The following SGCZ variants were observed in gnomAD, a reference collection of about 807,000 sequenced individuals.
SGCZ encodes the protein zeta-sarcoglycan.
In SGCZ, 40 loss-of-function variants were observed where a neutral mutation model predicts 41.3. The ratio of observed to expected loss-of-function variants is 0.97; its 90% CI spans 0.75 to 1.26. The LOEUF (loss-of-function observed/expected upper bound fraction) is 1.26. SGCZ is among the 50% of genes most tolerant of loss of function. SGCZ has a pLI of 0.00. For missense variants in SGCZ, 552 were observed against 369.8 expected, an observed-to-expected ratio of 1.49 and a Z score of -4.04; for synonymous variants, 206 against 137.5, an observed-to-expected ratio of 1.50 and a Z score of -3.49.
chr8:14,541,364 T>A (rs1803461725), intron 2 of SGCZ, among the ~76,000 whole-genome samples: 1 of 151,994 alleles, frequency 6.6e-6, no homozygotes. Flanking sequence ...TGTGTTCTCA[T>A]TGTTCAGCTC....
intron 4 of SGCZ, among the ~76,000 whole-genome samples, chr8:14,219,412 T>C (rs4831556): frequency 1.3e-5 from 2 of 152,050 alleles, no homozygotes; most frequent in African/African-American, 4.8e-5. Flanking sequence ...CAAATTCTAA[T>C]CCAGACAATG....
At chr8:14,522,828 G>T (rs1395720323) in intron 2 of SGCZ, among the ~76,000 whole-genome samples, 1 of 151,036 alleles carries the variant, frequency 6.6e-6, no homozygotes, top group Non-Finnish European at 1.5e-5. Flanking sequence ...TATTCATATG[G>T]GATCTTTTTT....
At chr8:14,129,914 G>C (rs76780308) in intron 5 of SGCZ, among the ~76,000 whole-genome samples, 1 of 152,076 alleles carries the variant, frequency 6.6e-6, no homozygotes, top group Non-Finnish European at 1.5e-5. Context: ...CAGTGTTATC[G>C]CAAGTATTCT....
Position 14,572,712 on chromosome 8 carries a change from C to T in SGCZ, c.40-17786G>A, listed in dbSNP as rs1301694133. 3.3e-5 allele frequency among the ~76,000 whole-genome samples: 5 copies of T among 152,076 alleles called. No individual in the cohort carries two copies. The East Asian group carries it at 9.7e-4, about 29-fold the overall frequency. ...AGATCATTTCCTTCATACATCTGTA[C>T]CACTCAATTAAAGTATCACCAACTC... is the stretch of plus-strand genomic sequence containing the variant. On this transcript the variant is annotated intron_variant, in intron 1 of 7. Coordinates refer to ENST00000382080, the MANE Select transcript of SGCZ (RefSeq NM_139167.4).
At chr8:14,281,699 A>C (rs1350412435) in intron 3 of SGCZ, among the ~76,000 whole-genome samples, 1 of 152,100 alleles carries the variant, frequency 6.6e-6, no homozygotes, top group Non-Finnish European at 1.5e-5. Context: ...AATTTAAAAC[A>C]TTTAATCTGA....
chr8:14,264,727 C>T (rs982047207), intron 3 of SGCZ, among the ~76,000 whole-genome samples: 1 of 152,088 alleles, frequency 6.6e-6, no homozygotes, highest in Non-Finnish European at 1.5e-5. Context: ...TTTGGGAGTC[C>T]GAGGCGGGCG....
intron 1 of SGCZ, chr8:14,879,317 G>A (rs940181821): frequency 1.6e-4 from 25 of 151,962 alleles, no homozygotes; most frequent in Admixed American, 6.6e-5. Context: ...GACAGAGTGA[G>A]ACTCTATGTT....
intron 1 of SGCZ, among the ~76,000 whole-genome samples, chr8:14,820,448 T>C (rs1457450142): frequency 6.6e-6 from 1 of 151,964 alleles, no homozygotes; most frequent in Non-Finnish European, 1.5e-5. Flanking sequence ...AGGAAAAAAG[T>C]CTACAAAGAA....
chr8:14,669,695 C>T (rs28526701), intron 1 of SGCZ, among the ~76,000 whole-genome samples: 120 of 784 alleles, frequency 0.15, no homozygotes, highest in African/African-American at 0.24. Flanking sequence ...TTTGTGTATA[C>T]ACACACACAC....
chr8:14,429,731 G>C (rs1184884320), intron 2 of SGCZ, among the ~76,000 whole-genome samples: 1 of 152,034 alleles, frequency 6.6e-6, no homozygotes, highest in African/African-American at 2.4e-5. Context: ...TCTACCATTT[G>C]ATAGCTGTGT....
At position 14,676,748 on chromosome 8, in the gene SGCZ, C is replaced by G. The variant is rs534777916; in HGVS notation, c.40-121822G>C. On this transcript the variant is annotated intron_variant, in intron 1 of 7. Coordinates refer to ENST00000382080, the MANE Select transcript of SGCZ (RefSeq NM_139167.4). ...CATATCAACAGATGCAGAAAAGAAT[C>G]TGATAAAATCCAACACCTGTTAGTG... 1.4e-4 allele frequency among the ~76,000 whole-genome samples: 22 copies of G among 152,238 alleles called. No individual in the cohort carries two copies. In the South Asian group the frequency reaches 3.1e-3, roughly 21 times the overall value.
At chr8:14,660,156 A>C (rs889800383) in intron 1 of SGCZ, among the ~76,000 whole-genome samples, 1 of 152,158 alleles carries the variant, frequency 6.6e-6, no homozygotes, top group Non-Finnish European at 1.5e-5. Flanking sequence ...GTATTGCCAG[A>C]ATACAATATT....
chr8:14,397,638 G>C (rs11984827), intron 2 of SGCZ, among the ~76,000 whole-genome samples: 1 of 151,846 alleles, frequency 6.6e-6, no homozygotes, highest in Non-Finnish European at 1.5e-5. Flanking sequence ...GTCAGGCAGC[G>C]ATGAGCCTAA....
intron 1 of SGCZ, among the ~76,000 whole-genome samples, chr8:14,843,163 G>C (rs1802984463): frequency 6.6e-6 from 1 of 152,150 alleles, no homozygotes. Context: ...AGTGAGCTGA[G>C]ATTGCACCAC....
chr8:14,332,293 T>A (rs894156294), intron 2 of SGCZ, among the ~76,000 whole-genome samples: 16 of 151,670 alleles, frequency 1.1e-4, no homozygotes, highest in African/African-American at 3.9e-4. Flanking sequence ...ACAAAAAAAT[T>A]AGTCGGGCGT....
chr8:14,915,330 G>A (rs998506174), intron 1 of SGCZ, among the ~76,000 whole-genome samples: 1 of 152,068 alleles, frequency 6.6e-6, no homozygotes, highest in African/African-American at 2.4e-5. Context: ...ATTGATATAG[G>A]AGTTAAGAAA....
chr8:14,945,641 C>T (rs867520657), intron 1 of SGCZ, among the ~76,000 whole-genome samples: 1 of 150,096 alleles, frequency 6.7e-6, no homozygotes, highest in Non-Finnish European at 1.5e-5. Flanking sequence ...ATGTGAGTTG[C>T]CAGACTGAGG....
chr8:14,338,137 G>C (rs926305251), intron 2 of SGCZ, among the ~76,000 whole-genome samples: 6 of 152,118 alleles, frequency 3.9e-5, no homozygotes, highest in Admixed American at 2.6e-4. Context: ...TCAGTTTTTG[G>C]ACCCAGAAGC....
intron 1 of SGCZ, among the ~76,000 whole-genome samples, chr8:15,136,458 TG>T (rs979452751): frequency 6.6e-6 from 1 of 150,440 alleles, no homozygotes; most frequent in African/African-American, 2.5e-5. Flanking sequence ...TGTGGGGAGG[TG>T]GGTAATTGTC....
Sources: allele counts gnomAD v4.1 joint callset (sites outside exome capture counted in the v4.1 genomes callset), GRCh38; gene constraint gnomAD v4.1.1; transcripts MANE v1.5; gene names NCBI Gene and HGNC (gene_info 2026-07-23, HGNC 2026-07-21).